The following CABIN1 variants were observed in gnomAD, a reference collection of about 807,000 sequenced individuals.
The protein encoded by CABIN1 is calcineurin binding protein 1, also known as calcineurin-binding protein cabin-1.
In CABIN1, 133 loss-of-function variants were observed where a neutral mutation model predicts 227.7. The ratio of observed to expected loss-of-function variants is 0.58; its 90% CI spans 0.51 to 0.67. The LOEUF is 0.67. Ranked by LOEUF, CABIN1 falls within the 30% of genes least tolerant of loss-of-function variation. The pLI is 0.00. For missense variants in CABIN1, 2,408 were observed against 2,852.5 expected, an observed-to-expected ratio of 0.84 and a Z score of 3.55; for synonymous variants, 1,086 against 1,155.1, an observed-to-expected ratio of 0.94 and a Z score of 1.21.
At chr22:24,064,512 G>GTTTTTTTTTTTTTTTTTTTTT (rs782268156) in intron 15 of CABIN1, among the ~76,000 whole-genome samples, 6 of 106,900 alleles carry the variant, frequency 5.6e-5, no homozygotes, top group Non-Finnish European at 7.2e-5. Context: ...CAGCTGAAAG[G>GTTTTTTTTTTTTTTTTTTTTT]TTTTTTTTTT....
intron 18 of CABIN1, among the ~76,000 whole-genome samples, chr22:24,075,429 C>A (rs1555933703): frequency 6.6e-6 from 1 of 152,136 alleles, no homozygotes; most frequent in Non-Finnish European, 1.5e-5. Flanking sequence ...CTGTTTTACT[C>A]TTTTTCTTCT....
intron 1 of CABIN1, among the ~76,000 whole-genome samples, chr22:24,016,999 A>T (rs957519341): frequency 3.3e-5 from 5 of 150,958 alleles, no homozygotes; most frequent in African/African-American, 9.7e-5. Context: ...TTAGCTTTTT[A>T]AAAAAAATTG....
intron 10 of CABIN1, 154 bp downstream of exon 10, chr22:24,056,514 C>A (rs1248138205): frequency 3.3e-5 from 25 of 762,174 alleles, no homozygotes; most frequent in Non-Finnish European, 5.2e-5. Flanking sequence ...ACAAATCTCA[C>A]TGGAGTAGGA....
At chr22:24,114,593 C>T (rs987510745) in intron 27 of CABIN1, among the ~76,000 whole-genome samples, 1 of 152,196 alleles carries the variant, frequency 6.6e-6, no homozygotes, top group African/African-American at 2.4e-5. Flanking sequence ...AGTGTACACC[C>T]TTAACCATTA....
intron 1 of CABIN1, among the ~76,000 whole-genome samples, chr22:24,014,554 T>C (rs2035095151): frequency 6.6e-6 from 1 of 152,232 alleles, no homozygotes; most frequent in South Asian, 2.1e-4. Context: ...GATACCATTT[T>C]CTACAGTTAC....
Position 24,054,957 on chromosome 22 carries a change from G to T in CABIN1, c.891G>T (p.Arg297Ser). Residue 297 changes from arginine (R) to serine (S), a missense_variant, in exon 9 of 37, where the codon AGG (arginine) becomes AGT (serine). Physicochemically the swap from Arg to Ser is moderately radical, Grantham distance 110 (BLOSUM62 -1). Transcript: ENST00000263119. The part of the protein sequence containing the change: ...CEPPRPSLGK[R>S]IDLSDYQDPS... ...CCCCACGTCCCAGCCTTGGCAAAAGGATTGATTTGTCGGACTACCAGGACC... is the reference window on the plus strand; with the variant it reads ...CCCCACGTCCCAGCCTTGGCAAAAGTATTGATTTGTCGGACTACCAGGACC... 1 of 1,614,238 alleles carries T rather than the reference G, an allele frequency of 6.2e-7. No homozygotes were observed. Among genetic ancestry groups the T allele is most frequent in the Non-Finnish European group, 8.5e-7 (1 of 1,180,038 alleles).
At chr22:24,164,212 C>T (rs1602440185) in intron 29 of CABIN1, among the ~76,000 whole-genome samples, 188 bp from the exon 30 acceptor site, 1 of 152,330 alleles carries the variant, frequency 6.6e-6, no homozygotes, top group East Asian at 1.9e-4. Context: ...TTTGCTGCCA[C>T]TCATGAGAAG....
At position 24,134,319 on chromosome 22, in the gene CABIN1, C is replaced by T. The variant is rs74334271; in HGVS notation, c.4650C>T (p.Arg1550=). ...TTCCCCAGAACCTCCAGTGGGCCCG[C>T]GACGTGTTGCTAGGCAGCAGTATCC... ...SKTHRNLQWA[R]DVLLGSSIPW... Residue 1550 remains arginine, a synonymous_variant, in exon 29 of 37, where the codon CGC becomes CGT. Transcript: ENST00000263119. 7.4e-6 allele frequency: 12 copies of T among 1,613,944 alleles called. No individual in the cohort carries two copies. Among genetic ancestry groups the T allele is most frequent in the Admixed American group, 3.3e-5 (2 of 60,012 alleles).
intron 6 of CABIN1, among the ~76,000 whole-genome samples, chr22:24,046,036 C>T (rs1390864810): frequency 6.6e-6 from 1 of 152,198 alleles, no homozygotes; most frequent in Admixed American, 6.5e-5. Context: ...CCACTTTTTA[C>T]AACCTCCTAA....
Position 24,166,742 on chromosome 22 carries a change from C to T in CABIN1, c.5111C>T (p.Pro1704Leu), listed in dbSNP as rs765897693. ...CCTGAGGATGGCCAGGAGGGCCTCC[C>T]CCAGCCGAAGAAGCCCCCTCTGGCT... ...ASPEDGQEGL[P>L]QPKKPPLADG... The change falls in exon 32 of 37, where the codon CCC becomes CTC. Residue 1704 changes from proline (P) to leucine (L), a missense_variant. Physicochemically the swap from Pro to Leu is moderately conservative, Grantham distance 98 (BLOSUM62 -3). Transcript: ENST00000263119. 1.2e-6 allele frequency: 2 copies of T among 1,612,810 alleles called. No individual in the cohort carries two copies. Among genetic ancestry groups the T allele is most frequent in the Non-Finnish European group, 1.7e-6 (2 of 1,179,950 alleles).
chr22:24,021,453 C>T (rs540440673), intron 1 of CABIN1, among the ~76,000 whole-genome samples: 87 of 152,076 alleles, frequency 5.7e-4, no homozygotes, highest in African/African-American at 2.0e-3. Flanking sequence ...CCACAGTGCC[C>T]GATCAATTTG....
rs1046749655 is a variant in CABIN1 at position 24,050,963 on chromosome 22, T to G, written c.795T>G (p.Ile265Met). The G allele has an allele frequency of 2.5e-6, 4 of 1,614,182 alleles. No individual in the cohort carries two copies. The highest frequency in any genetic ancestry group is 2.5e-6 in the Non-Finnish European group (3 of 1,180,036). The change falls in exon 8 of 37, where the codon ATT becomes ATG. Residue 265 changes from isoleucine to methionine, a missense_variant. Transcript: ENST00000263119. ...KEPDLKLVQP[I>M]PFFTWKCLGE... ...CGGACCTGAAACTTGTGCAGCCCAT[T>G]CCTTTCTTCACGTAGGTTGTCTAGC... is the stretch of plus-strand genomic sequence containing the variant.
At chr22:24,038,107 C>T (rs1285119191) in intron 3 of CABIN1, among the ~76,000 whole-genome samples, 2 of 152,064 alleles carry the variant, frequency 1.3e-5, no homozygotes, top group African/African-American at 2.4e-5. Context: ...TGAACCCTGC[C>T]CTTTAGGGTT....
chr22:24,072,666 T>C (rs75865852), intron 18 of CABIN1, among the ~76,000 whole-genome samples, 156 bp downstream of exon 18: 63 of 152,312 alleles, frequency 4.1e-4, no homozygotes, highest in Non-Finnish European at 7.2e-4. Flanking sequence ...GAGGCAGAAG[T>C]GTCCTTGGTT....
intron 5 of CABIN1, 26 bp from the exon 6 acceptor site, chr22:24,042,874 GTGTT>G (rs1463552412): frequency 7.8e-5 from 108 of 1,387,184 alleles, no homozygotes; most frequent in African/African-American, 2.9e-4. Flanking sequence ...GTGTGTGTGT[GTGTT>G]TGCCCTCTGC....
intron 27 of CABIN1, among the ~76,000 whole-genome samples, chr22:24,115,222 C>G (rs962477784): frequency 1.3e-5 from 2 of 152,208 alleles, no homozygotes; most frequent in Admixed American, 1.3e-4. Flanking sequence ...TCATGAGCTT[C>G]TTTCCCACTT....
chr22:24,031,002 A>G (rs1317688641), intron 1 of CABIN1, among the ~76,000 whole-genome samples: 1 of 152,200 alleles, frequency 6.6e-6, no homozygotes, highest in Non-Finnish European at 1.5e-5. Context: ...TAGGAAGCAG[A>G]TGAGCTTTCT....
Position 24,084,765 on chromosome 22 carries a change from A to G in CABIN1, c.3097A>G (p.Ile1033Val), listed in dbSNP as rs757493240. 1.9e-6 allele frequency: 3 copies of G among 1,614,188 alleles called. No individual in the cohort carries two copies. The highest frequency in any genetic ancestry group is 4.5e-5 in the East Asian group (2 of 44,874). The change falls in exon 21 of 37, where the codon ATT becomes GTT. Residue 1033 changes from isoleucine (I) to valine (V), a missense_variant. By Grantham distance (29) the Ile-to-Val change is conservative (BLOSUM62 3). This residue lies in a region of CABIN1 where 649 missense variants were observed against 910.3 expected (regional missense o/e 0.71). Coordinates refer to ENST00000263119, the MANE Select transcript of CABIN1 (RefSeq NM_012295.4). ...TAGCCTGGACAAAGTCTCTGCCTACATTGAGGGAACTTCAACTGAGGTGGG... is the reference window on the plus strand; with the variant it reads ...TAGCCTGGACAAAGTCTCTGCCTACGTTGAGGGAACTTCAACTGAGGTGGG... Reference protein sequence around the residue: ...ALSLDKVSAYIEGTSTEVPCL... With the variant: ...ALSLDKVSAYVEGTSTEVPCL...
chr22:24,085,174 T>C (rs367737246), intron 22 of CABIN1, 23 bp downstream of exon 22: 1 of 1,613,874 alleles, frequency 6.2e-7, no homozygotes, highest in Non-Finnish European at 8.5e-7. Flanking sequence ...ATCATGAGGC[T>C]AGGCTGGCTG....
Sources: allele counts gnomAD v4.1 joint callset (sites outside exome capture counted in the v4.1 genomes callset), GRCh38; gene constraint gnomAD v4.1.1; regional missense constraint gnomAD v4.1.1; transcripts MANE v1.5; gene names NCBI Gene and HGNC (gene_info 2026-07-23, HGNC 2026-07-21).